The following DEUP1 variants were observed in gnomAD, a reference collection of about 807,000 sequenced individuals.
DEUP1 encodes the protein deuterosome assembly protein 1, also known as coiled-coil domain containing 67.
In DEUP1, 82 loss-of-function variants were observed where a neutral mutation model predicts 87.4. The ratio of observed to expected loss-of-function variants is 0.94; its 90% CI spans 0.78 to 1.13. The LOEUF is 1.13. DEUP1 is among the 50% of genes most tolerant of loss of function. DEUP1 has a pLI of 0.00. For missense variants in DEUP1, 663 were observed against 681.5 expected, an observed-to-expected ratio of 0.97 and a Z score of 0.30; for synonymous variants, 214 against 222.7, an observed-to-expected ratio of 0.96 and a Z score of 0.35.
At chr11:93,353,714 G>A (rs1944746162) in intron 2 of DEUP1, among the ~76,000 whole-genome samples, 3 of 152,198 alleles carry the variant, frequency 2.0e-5, no homozygotes, top group Admixed American at 1.3e-4. Flanking sequence ...GCCAATACTT[G>A]GGGCTTCTAT....
chr11:93,391,920 T>C (rs1946776693), intron 9 of DEUP1, among the ~76,000 whole-genome samples: 1 of 152,154 alleles, frequency 6.6e-6, no homozygotes, highest in South Asian at 2.1e-4. Context: ...CTCGTGTCTC[T>C]TAGTTTCCGC....
At chr11:93,358,125 A>T (rs946430918) in intron 4 of DEUP1, among the ~76,000 whole-genome samples, 2 of 152,244 alleles carry the variant, frequency 1.3e-5, no homozygotes, top group African/African-American at 4.8e-5. Context: ...TTTGAAAACC[A>T]CACAGAAATC....
intron 13 of DEUP1, among the ~76,000 whole-genome samples, chr11:93,415,744 G>C (rs1947598728): frequency 6.6e-6 from 1 of 151,756 alleles, no homozygotes; most frequent in South Asian, 2.1e-4. Context: ...ATATTATTTT[G>C]TTTCTGGCTT....
chr11:93,339,543 A>G (rs988238883), intron 2 of DEUP1, among the ~76,000 whole-genome samples: 1 of 152,248 alleles, frequency 6.6e-6, no homozygotes, highest in Non-Finnish European at 1.5e-5. Flanking sequence ...AATTACCCAT[A>G]GAGGCTATCC....
chr11:93,413,955 T>C (rs931565545), intron 12 of DEUP1, among the ~76,000 whole-genome samples: 3 of 152,216 alleles, frequency 2.0e-5, no homozygotes, highest in African/African-American at 7.2e-5. Context: ...TAGGGTTATT[T>C]TGAAGATCAG....
At chr11:93,333,528 T>TA (rs1943593073) in intron 2 of DEUP1, among the ~76,000 whole-genome samples, 1 of 152,174 alleles carries the variant, frequency 6.6e-6, no homozygotes, top group African/African-American at 2.4e-5. Context: ...ATCCCAGAGT[T>TA]ACAACTAGCA....
chr11:93,376,066 C>T lies in DEUP1; in HGVS notation c.789+4786C>T, dbSNP rs970053756. ...CCTGGTTCAAGCAATTCTTCTACCT[C>T]AGCCTCCTGAGAGCTGGGTTTACAG... is the stretch of plus-strand genomic sequence containing the variant. On this transcript the variant is annotated intron_variant, in intron 7 of 13. Coordinates refer to ENST00000298050, the MANE Select transcript of DEUP1 (RefSeq NM_181645.4). 3.3e-5 allele frequency among the ~76,000 whole-genome samples: 5 copies of T among 152,190 alleles called. 1 individual carries two copies. The South Asian group carries it at 1.0e-3, about 32-fold the overall frequency.
intron 13 of DEUP1, among the ~76,000 whole-genome samples, chr11:93,431,095 C>CAAAAAAAAA (rs10534401): frequency 7.1e-5 from 8 of 112,602 alleles, no homozygotes; most frequent in South Asian, 3.1e-4. Context: ...AACACTGTCT[C>CAAAAAAAAA]AAAAAAAAAA....
Position 93,437,547 on chromosome 11 carries a change from C to G in DEUP1, c.1643C>G (p.Pro548Arg). 6.2e-7 allele frequency: 1 copy of G among 1,609,710 alleles called. No individual in the cohort carries two copies. Among genetic ancestry groups the G allele is most frequent in the Non-Finnish European group, 8.5e-7 (1 of 1,178,346 alleles). ...VSDDDVFPLSPPDMSFPASLA... is the reference protein window; with the variant it reads ...VSDDDVFPLSRPDMSFPASLA... ...TTTCTTTCTTTCTCTCTTTAGTCTC[C>G]CCCAGATATGTCCTTCCCAGCATCT... Residue 548 changes from proline (P) to arginine (R), a missense_variant, in exon 14 of 14, where the codon CCC (proline) becomes CGC (arginine). Transcript: ENST00000298050.
intron 7 of DEUP1, among the ~76,000 whole-genome samples, chr11:93,372,945 G>A (rs1315777082): frequency 6.6e-6 from 1 of 152,210 alleles, no homozygotes; most frequent in Non-Finnish European, 1.5e-5. Flanking sequence ...TCTGAGCTGT[G>A]TTTGCATGAC....
chr11:93,412,059 G>A (rs12271165), intron 12 of DEUP1, among the ~76,000 whole-genome samples: 50,103 of 151,982 alleles, frequency 0.33, 8,783 homozygotes, highest in Middle Eastern at 0.44. Flanking sequence ...GGAATAGGGA[G>A]TTTAGTGGAG....
At chr11:93,359,394 C>T (rs1220073734) in intron 4 of DEUP1, among the ~76,000 whole-genome samples, 2 of 152,040 alleles carry the variant, frequency 1.3e-5, no homozygotes, top group Admixed American at 6.6e-5. Flanking sequence ...ATTTCAAGTA[C>T]ATAAATTTGA....
chr11:93,430,468 G>C (rs556132553), intron 13 of DEUP1, among the ~76,000 whole-genome samples: 2 of 152,286 alleles, frequency 1.3e-5, no homozygotes, highest in Admixed American at 6.5e-5. Flanking sequence ...AACATGTTAA[G>C]TGAAAGAAGC....
intron 13 of DEUP1, among the ~76,000 whole-genome samples, chr11:93,430,861 C>A (rs779211366): frequency 6.6e-6 from 1 of 151,960 alleles, no homozygotes; most frequent in Non-Finnish European, 1.5e-5. Flanking sequence ...TTTGGGAAGC[C>A]GAGGTGGTCA....
At chr11:93,357,628 T>C (rs1048022451) in intron 4 of DEUP1, among the ~76,000 whole-genome samples, 1 of 152,154 alleles carries the variant, frequency 6.6e-6, no homozygotes, top group African/African-American at 2.4e-5. Flanking sequence ...TAATAATCAT[T>C]TGAGTATGTC....
chr11:93,402,380 G>C (rs11020313), intron 11 of DEUP1, among the ~76,000 whole-genome samples: 1 of 151,694 alleles, frequency 6.6e-6, no homozygotes, highest in Non-Finnish European at 1.5e-5. Context: ...GGATTTGGAC[G>C]AAGGGGAACC....
chr11:93,335,218 AC>A (rs1943694254), intron 2 of DEUP1, among the ~76,000 whole-genome samples: 1 of 144,496 alleles, frequency 6.9e-6, no homozygotes, highest in Non-Finnish European at 1.6e-5. Context: ...TTTTATTATT[AC>A]TTTTTAATCT....
intron 7 of DEUP1, among the ~76,000 whole-genome samples, chr11:93,381,311 A>G (rs539884198): frequency 6.6e-6 from 1 of 152,298 alleles, no homozygotes; most frequent in Admixed American, 6.5e-5. Flanking sequence ...TAACCAATAT[A>G]TGTATTTGGA....
In DEUP1 at chr11:93,370,194, A is replaced by T. The variant is rs1444367399; in HGVS notation, c.546+8A>T. Reference sequence around the variant, plus strand: ...AAGTGTAATCAGTTTCAGGTAAGTTATCTAATACTATTCTCTAAATCAAAA... The same window carrying T: ...AAGTGTAATCAGTTTCAGGTAAGTTTTCTAATACTATTCTCTAAATCAAAA... On this transcript the variant is annotated splice_region_variant and intron_variant, in intron 6 of 13. Coordinates refer to ENST00000298050, the MANE Select transcript of DEUP1 (RefSeq NM_181645.4). 4.6e-6 allele frequency: 6 copies of T among 1,298,794 alleles called. No homozygotes were observed. Among genetic ancestry groups the T allele is most frequent in the Middle Eastern group, 1.9e-4 (1 of 5,382 alleles). The allele number at this position is 1,298,794 out of a possible 1,614,324, so 80.5% of individuals were successfully genotyped here. A position where few individuals can be genotyped will look rare whatever the true frequency, so the allele number is the denominator to read the frequency against.
Sources: gnomAD v4.1 joint callset for allele counts (sites outside exome capture counted in the v4.1 genomes callset) on GRCh38, gnomAD v4.1.1 for gene constraint, MANE v1.5 for transcripts, NCBI Gene and HGNC (gene_info 2026-07-23, HGNC 2026-07-21) for gene names.